The following SUN3 variants were observed in gnomAD, a reference collection of about 807,000 sequenced individuals.
The protein encoded by SUN3 is Sad1 and UNC84 domain containing 3, also known as SUN domain-containing protein 3.
In SUN3, 36 loss-of-function variants were observed where a neutral mutation model predicts 48.2. That is an observed-to-expected ratio of 0.75 (90% CI 0.57 to 0.99). SUN3 has a LOEUF of 0.99. Ranked by LOEUF, SUN3 falls within the 50% of genes least tolerant of loss-of-function variation. The probability of loss-of-function intolerance (pLI) is 0.00; values close to 1 mark genes in which losing one functional copy is unlikely to be tolerated. For missense variants in SUN3, 419 were observed against 433.1 expected (o/e 0.97, Z 0.29); for synonymous variants, 148 against 147.9 (o/e 1.00, Z 0.00).
At chr7:48,009,653 T>C (rs953258070) in intron 3 of SUN3, among the ~76,000 whole-genome samples, 1 of 151,854 alleles carries the variant, frequency 6.6e-6, no homozygotes. Flanking sequence ...GTATAGATAG[T>C]CTCTGGTATG....
intron 2 of SUN3, 127 bp from the exon 3 acceptor site, chr7:48,017,492 G>A: frequency 1.6e-6 from 1 of 641,316 alleles, no homozygotes; most frequent in Non-Finnish European, 2.7e-6. Flanking sequence ...AGATCCTTGG[G>A]TGACATCATG....
intron 8 of SUN3, among the ~76,000 whole-genome samples, chr7:47,990,029 A>G (rs1437323633): frequency 6.6e-6 from 1 of 152,208 alleles, no homozygotes; most frequent in Non-Finnish European, 1.5e-5. Context: ...TCCCCATGTG[A>G]TAGTCTGAAA....
intron 9 of SUN3, 28 bp from the exon 10 acceptor site, chr7:47,987,477 C>T: frequency 1.3e-6 from 2 of 1,501,752 alleles, no homozygotes; most frequent in Non-Finnish European, 1.8e-6. Context: ...AAAATCAATG[C>T]CTTATAACGA....
intron 8 of SUN3, among the ~76,000 whole-genome samples, chr7:47,990,504 C>T (rs1410282746): frequency 1.3e-5 from 2 of 152,080 alleles, no homozygotes; most frequent in African/African-American, 2.4e-5. Context: ...GCGGGTCCTC[C>T]GTATGCTGAG....
At chr7:48,015,511 G>A (rs551701284) in intron 3 of SUN3, among the ~76,000 whole-genome samples, 1 of 152,262 alleles carries the variant, frequency 6.6e-6, no homozygotes, top group East Asian at 1.9e-4. Context: ...ATTGGAATGA[G>A]GCAGTTACTG....
At chr7:48,004,393 G>T (rs918106000) in intron 6 of SUN3, among the ~76,000 whole-genome samples, 7 of 152,210 alleles carry the variant, frequency 4.6e-5, no homozygotes, top group Non-Finnish European at 1.0e-4. Flanking sequence ...CCTTTTATGA[G>T]TGGTGGTTCC....
chr7:48,032,278 A>G (rs1452056566), upstream of SUN3, among the ~76,000 whole-genome samples: 1 of 152,246 alleles, frequency 6.6e-6, no homozygotes, highest in East Asian at 1.9e-4. Flanking sequence ...TACCCCACAT[A>G]CGCATACACA....
chr7:48,001,827 T>C (rs1789386337), intron 6 of SUN3, among the ~76,000 whole-genome samples: 1 of 152,078 alleles, frequency 6.6e-6, no homozygotes, highest in Non-Finnish European at 1.5e-5. Flanking sequence ...TGAGCCACCG[T>C]GCCTGGCCAG....
At chr7:48,004,413 T>A (rs1394609804) in intron 6 of SUN3, among the ~76,000 whole-genome samples, 5 of 152,236 alleles carry the variant, frequency 3.3e-5, no homozygotes, top group Non-Finnish European at 4.4e-5. Flanking sequence ...CAATCTCAAT[T>A]CAGTCCTCAA....
At chr7:48,009,687 C>A (rs911529426) in intron 3 of SUN3, among the ~76,000 whole-genome samples, 9 of 152,044 alleles carry the variant, frequency 5.9e-5, no homozygotes, top group African/African-American at 2.2e-4. Flanking sequence ...GTGCCCAAAC[C>A]AAGACAAGAA....
upstream of SUN3, chr7:48,029,122 A>G (rs1184672449): frequency 2.4e-6 from 2 of 840,540 alleles, no homozygotes; most frequent in Non-Finnish European, 3.5e-6. Flanking sequence ...CTTCTGTTGC[A>G]TCATCCTCCG....
At chr7:48,031,066 A>G (rs1583790233), upstream of SUN3, among the ~76,000 whole-genome samples, 1 of 152,266 alleles carries the variant, frequency 6.6e-6, no homozygotes, top group Non-Finnish European at 1.5e-5. Context: ...TCTCCCTGAC[A>G]TTGGTCTTGA....
chr7:48,019,756 A>G (rs569518686), intron 2 of SUN3, among the ~76,000 whole-genome samples: 1 of 152,150 alleles, frequency 6.6e-6, no homozygotes, highest in Non-Finnish European at 1.5e-5. Context: ...ACCTGAACAG[A>G]CCAATAAAAA....
chr7:48,018,557 G>A (rs1413080744), intron 2 of SUN3: 1 of 153,142 alleles, frequency 6.5e-6, no homozygotes, highest in Non-Finnish European at 1.5e-5. Flanking sequence ...CCAGGAGGTG[G>A]AGGTTGCAGT....
chr7:47,990,547 A>G (rs1583739630), intron 8 of SUN3, among the ~76,000 whole-genome samples: 1 of 150,094 alleles, frequency 6.7e-6, no homozygotes, highest in East Asian at 1.9e-4. Context: ...TTCTTTCTCT[A>G]TACTTTGTCT....
intron 6 of SUN3, among the ~76,000 whole-genome samples, chr7:47,997,258 A>C (rs1376911015): frequency 6.6e-6 from 1 of 152,210 alleles, no homozygotes; most frequent in Non-Finnish European, 1.5e-5. Flanking sequence ...GTCCCATACA[A>C]TATTTGGGAT....
chr7:48,005,961 G>A lies in SUN3; in HGVS notation c.577+8C>T, dbSNP rs768524000. 6.4e-7 allele frequency: 1 copy of A among 1,573,686 alleles called. No individual in the cohort carries two copies. Among genetic ancestry groups the A allele is most frequent in the South Asian group, 1.2e-5 (1 of 86,926 alleles). On this transcript the variant is annotated splice_region_variant and intron_variant, in intron 6 of 9. Coordinates refer to ENST00000297325, the MANE Select transcript of SUN3 (RefSeq NM_001030019.2). Reference sequence around the variant, plus strand: ...TAATGTTCCTCTTTTCACTTTTTCTGTACTCACCGGCCGACTTCAGGGCAT... The same window carrying A: ...TAATGTTCCTCTTTTCACTTTTTCTATACTCACCGGCCGACTTCAGGGCAT...
rs574564905 is a variant in SUN3, at chr7:48,001,317, T to C, written c.577+4652A>G. ...TGTGTTCTCATCATTTAGCTCCCAC[T>C]TATAAGTGAGAACATGTGTTTTTGG... On this transcript the variant is annotated intron_variant, in intron 6 of 9. Coordinates refer to ENST00000297325, the MANE Select transcript of SUN3 (RefSeq NM_001030019.2). Among the ~76,000 whole-genome samples the C allele has an allele frequency of 9.2e-5, 14 of 152,280 alleles. 1 individual carries two copies. The South Asian group carries it at 2.9e-3, about 32-fold the overall frequency.
intron 2 of SUN3, 109 bp downstream of exon 2, chr7:48,025,768 C>T: frequency 2.9e-6 from 2 of 699,282 alleles, no homozygotes; most frequent in East Asian, 5.8e-5. Flanking sequence ...ACCTCCAGCA[C>T]TTTCCGTGGC....
Sources: gnomAD v4.1 joint callset for allele counts (sites outside exome capture counted in the v4.1 genomes callset) on GRCh38, gnomAD v4.1.1 for gene constraint, MANE v1.5 for transcripts, NCBI Gene and HGNC (gene_info 2026-07-23, HGNC 2026-07-21) for gene names.